The following VTI1A variants were observed in gnomAD, a reference collection of about 807,000 sequenced individuals.
VTI1A encodes the protein vesicle transport through interaction with t-SNAREs homolog 1A.
In VTI1A, 22 loss-of-function variants were observed where a neutral mutation model predicts 34.9. The observed-to-expected ratio is 0.63, with a 90% CI of 0.45 to 0.90. VTI1A has a LOEUF of 0.90. VTI1A is among the 40% of genes least tolerant of loss of function. VTI1A has a pLI of 0.00. For missense variants in VTI1A, 268 were observed against 275.6 expected, an observed-to-expected ratio of 0.97 and a Z score of 0.20; for synonymous variants, 87 against 97.3, an observed-to-expected ratio of 0.89 and a Z score of 0.62.
intron 5 of VTI1A, among the ~76,000 whole-genome samples, chr10:112,592,900 A>G (rs1844447326): frequency 6.6e-6 from 1 of 152,226 alleles, no homozygotes; most frequent in Admixed American, 6.5e-5. Flanking sequence ...CCATGAAGGA[A>G]AGTGATATGG....
intron 3 of VTI1A, among the ~76,000 whole-genome samples, chr10:112,474,912 C>A (rs1589808352): frequency 6.6e-6 from 1 of 152,148 alleles, no homozygotes; most frequent in African/African-American, 2.4e-5. Context: ...CCATTAATTT[C>A]AAAGGCCAAC....
chr10:112,500,899 G>A (rs1328050834), intron 3 of VTI1A, among the ~76,000 whole-genome samples: 3 of 151,946 alleles, frequency 2.0e-5, no homozygotes, highest in Admixed American at 2.0e-4. Context: ...TCCTTTCCTT[G>A]TCTGCTTGAC....
chr10:112,527,275 A>G, intron 4 of VTI1A, 111 bp downstream of exon 4: 2 of 843,802 alleles, frequency 2.4e-6, no homozygotes, highest in Non-Finnish European at 3.8e-6. Context: ...CTCATGTGGA[A>G]GCGATACTGT....
the VTI1A span, among the ~76,000 whole-genome samples, chr10:112,834,595 C>A: frequency 1.3e-5 from 2 of 152,244 alleles, no homozygotes; most frequent in African/African-American, 4.8e-5. Context: ...AATTTCAGCT[C>A]TTGTTACCAC....
intron 7 of VTI1A, among the ~76,000 whole-genome samples, chr10:112,719,797 C>T (rs1272674636): frequency 6.6e-6 from 1 of 152,178 alleles, no homozygotes; most frequent in Non-Finnish European, 1.5e-5. Context: ...CTGCCCGTCT[C>T]AGCCTCCCAA....
intron 7 of VTI1A, among the ~76,000 whole-genome samples, chr10:112,691,210 A>C (rs765773618): frequency 6.6e-6 from 1 of 151,782 alleles, no homozygotes; most frequent in Admixed American, 6.6e-5. Flanking sequence ...GCAGTGAGCC[A>C]AGACCATGCC....
chr10:112,801,213 G>A (rs1420002930), intron 7 of VTI1A, among the ~76,000 whole-genome samples: 1 of 152,140 alleles, frequency 6.6e-6, no homozygotes, highest in African/African-American at 2.4e-5. Context: ...GGGTTGGGGA[G>A]GGGTCATCCT....
chr10:112,678,599 C>T (rs1037687984), intron 7 of VTI1A, among the ~76,000 whole-genome samples: 6 of 152,182 alleles, frequency 3.9e-5, no homozygotes, highest in Admixed American at 6.5e-5. Context: ...CCCCCTTCTT[C>T]GGCTGCCACC....
At chr10:112,477,598 A>G (rs1361317786) in intron 3 of VTI1A, among the ~76,000 whole-genome samples, 2 of 152,268 alleles carry the variant, frequency 1.3e-5, no homozygotes, top group East Asian at 1.9e-4. Context: ...TTGACCTGCA[A>G]TTGCATTATT....
intron 5 of VTI1A, among the ~76,000 whole-genome samples, chr10:112,541,166 C>A (rs1344167025): frequency 6.6e-6 from 1 of 151,964 alleles, no homozygotes; most frequent in Non-Finnish European, 1.5e-5. Flanking sequence ...AAATTGGCAT[C>A]CCTATTTTAG....
intron 7 of VTI1A, among the ~76,000 whole-genome samples, chr10:112,741,398 G>A (rs906594254): frequency 6.6e-6 from 1 of 152,196 alleles, no homozygotes; most frequent in Non-Finnish European, 1.5e-5. Context: ...GAGGTTTGCA[G>A]TGAGCCAGGA....
At chr10:112,659,080 C>G (rs558337198) in intron 5 of VTI1A, among the ~76,000 whole-genome samples, 1 of 152,286 alleles carries the variant, frequency 6.6e-6, no homozygotes, top group East Asian at 1.9e-4. Context: ...AGAAGCCTTT[C>G]TAATTACTTT....
intron 7 of VTI1A, among the ~76,000 whole-genome samples, chr10:112,701,339 A>G (rs1849003640): frequency 6.6e-6 from 1 of 152,336 alleles, no homozygotes; most frequent in African/African-American, 2.4e-5. Context: ...GTAAGCAGGA[A>G]TTAGCGATTA....
chr10:112,623,987 G>A (rs564460747), intron 5 of VTI1A, among the ~76,000 whole-genome samples: 6 of 152,172 alleles, frequency 3.9e-5, no homozygotes, highest in South Asian at 2.1e-4. Flanking sequence ...CTTCAGCCTC[G>A]GCTCCCAGTT....
intron 5 of VTI1A, among the ~76,000 whole-genome samples, chr10:112,545,402 A>G (rs1016332470): frequency 6.6e-6 from 1 of 152,272 alleles, no homozygotes; most frequent in Non-Finnish European, 1.5e-5. Flanking sequence ...AAGAATGATG[A>G]TAATGATACT....
At chr10:112,596,921 G>T (rs1844669046) in intron 5 of VTI1A, among the ~76,000 whole-genome samples, 1 of 152,012 alleles carries the variant, frequency 6.6e-6, no homozygotes, top group Admixed American at 6.6e-5. Context: ...TTCTGTTCTT[G>T]AAGTATTGAC....
chr10:112,652,095 A>G (rs1847047544), intron 5 of VTI1A, among the ~76,000 whole-genome samples: 1 of 152,226 alleles, frequency 6.6e-6, no homozygotes, highest in Non-Finnish European at 1.5e-5. Context: ...ACAGGCAAAC[A>G]AAAAACAACT....
chr10:112,854,260 T>C, the VTI1A span, among the ~76,000 whole-genome samples: 110 of 152,338 alleles, frequency 7.2e-4, no homozygotes, highest in African/African-American at 2.3e-3. Context: ...ATCACTGCTG[T>C]TTATTGCTTC....
intron 2 of VTI1A, among the ~76,000 whole-genome samples, chr10:112,463,316 G>A (rs1030661904): frequency 4.6e-5 from 7 of 152,094 alleles, no homozygotes; most frequent in African/African-American, 1.4e-4. Context: ...TGCAATCATC[G>A]TTACTAGAGT....
Sources: allele counts gnomAD v4.1 joint callset (sites outside exome capture counted in the v4.1 genomes callset), GRCh38; gene constraint gnomAD v4.1.1; transcripts MANE v1.5; gene names NCBI Gene and HGNC (gene_info 2026-07-23, HGNC 2026-07-21).